KCNIP4: variants seen among roughly 807,000 people sequenced by gnomAD.
The protein encoded by KCNIP4 is potassium voltage-gated channel interacting protein 4.
Under a neutral mutation model 34.0 loss-of-function variants are expected in KCNIP4, and 12 were observed. The observed-to-expected ratio is 0.35, with a 90% CI of 0.23 to 0.57. KCNIP4 has a LOEUF of 0.57. Ranked by LOEUF, KCNIP4 falls within the 20% of genes least tolerant of loss-of-function variation. The probability of loss-of-function intolerance (pLI) is 0.83; values close to 1 mark genes in which losing one functional copy is unlikely to be tolerated. For synonymous variants in KCNIP4, 124 were observed against 102.2 expected, an observed-to-expected ratio of 1.21 and a Z score of -1.29; for missense variants, 238 against 311.7, an observed-to-expected ratio of 0.76 and a Z score of 1.78.
intron 3 of KCNIP4, among the ~76,000 whole-genome samples, chr4:20,805,190 T>A (rs914202235): frequency 4.4e-5 from 2 of 45,938 alleles, no homozygotes; most frequent in Non-Finnish European, 9.3e-5. Context: ...TGCTTCCTTT[T>A]TTTTTTTTTT....
chr4:21,108,603 A>C (rs1425176498), intron 1 of KCNIP4, among the ~76,000 whole-genome samples: 1 of 151,612 alleles, frequency 6.6e-6, no homozygotes, highest in Non-Finnish European at 1.5e-5. Flanking sequence ...CAACTTATCA[A>C]AGTCATTCTC....
intron 1 of KCNIP4, among the ~76,000 whole-genome samples, chr4:21,838,911 A>G (rs965573278): frequency 3.9e-5 from 6 of 152,206 alleles, no homozygotes; most frequent in Non-Finnish European, 8.8e-5. Flanking sequence ...TAGCCACATG[A>G]TATTTACTGT....
intron 1 of KCNIP4, among the ~76,000 whole-genome samples, chr4:21,152,078 A>G (rs1045366414): frequency 3.3e-5 from 5 of 151,942 alleles, no homozygotes; most frequent in African/African-American, 1.2e-4. Context: ...CATGGTGAAA[A>G]CTTGTCTCTA....
intron 1 of KCNIP4, among the ~76,000 whole-genome samples, chr4:20,940,331 C>T (rs996095969): frequency 6.6e-6 from 1 of 152,182 alleles, no homozygotes; most frequent in East Asian, 1.9e-4. Context: ...TCTGTCTCCT[C>T]AACAGCCTTT....
intron 3 of KCNIP4, among the ~76,000 whole-genome samples, chr4:20,791,878 C>T (rs1011476871): frequency 6.6e-6 from 1 of 152,150 alleles, no homozygotes; most frequent in Non-Finnish European, 1.5e-5. Context: ...ATTGACCTCT[C>T]CTGAGAGAGA....
chr4:21,934,404 C>T (rs1191146208), intron 1 of KCNIP4, among the ~76,000 whole-genome samples: 1 of 152,034 alleles, frequency 6.6e-6, no homozygotes, highest in Admixed American at 6.6e-5. Flanking sequence ...AACCCACAAA[C>T]CTAAGTACTA....
At chr4:20,771,192 T>C (rs1157854184) in intron 3 of KCNIP4, among the ~76,000 whole-genome samples, 2 of 152,138 alleles carry the variant, frequency 1.3e-5, no homozygotes, top group African/African-American at 4.8e-5. Flanking sequence ...GATGATGGTA[T>C]ACACATATGT....
chr4:21,681,671 T>G (rs767361849), intron 1 of KCNIP4, among the ~76,000 whole-genome samples: 28 of 152,228 alleles, frequency 1.8e-4, no homozygotes, highest in Admixed American at 3.3e-4. Flanking sequence ...TGCATTGCTG[T>G]AAAGAAATAC....
chr4:21,915,274 T>C (rs967178211), intron 1 of KCNIP4, among the ~76,000 whole-genome samples: 2 of 152,236 alleles, frequency 1.3e-5, no homozygotes, highest in African/African-American at 4.8e-5. Context: ...TGCTGACTCC[T>C]GCTTTATACT....
At chr4:20,816,133 G>A (rs1352717157) in intron 3 of KCNIP4, among the ~76,000 whole-genome samples, 1 of 151,794 alleles carries the variant, frequency 6.6e-6, no homozygotes, top group African/African-American at 2.4e-5. Flanking sequence ...CACACCTGTA[G>A]TCCCAGCTAC....
chr4:20,917,868 A>G (rs1335041583), intron 1 of KCNIP4, among the ~76,000 whole-genome samples: 1 of 152,162 alleles, frequency 6.6e-6, no homozygotes, highest in Non-Finnish European at 1.5e-5. Context: ...AACGACAGGT[A>G]TGTGGAAGAG....
chr4:20,780,446 C>A (rs554036273), intron 3 of KCNIP4, among the ~76,000 whole-genome samples: 1 of 152,104 alleles, frequency 6.6e-6, no homozygotes, highest in Non-Finnish European at 1.5e-5. Flanking sequence ...TTAAAGTCAG[C>A]GATCAAAGTC....
chr4:21,219,066 T>C (rs969978563), intron 1 of KCNIP4, among the ~76,000 whole-genome samples: 3 of 152,152 alleles, frequency 2.0e-5, no homozygotes, highest in African/African-American at 7.2e-5. Context: ...TTAAAAACTG[T>C]GGTTGGCTTA....
At chr4:20,881,921 C>G (rs190569704) in intron 2 of KCNIP4, among the ~76,000 whole-genome samples, 1 of 152,294 alleles carries the variant, frequency 6.6e-6, no homozygotes, top group Non-Finnish European at 1.5e-5. Context: ...TCCTGAACTT[C>G]CAGCTGCCAG....
intron 1 of KCNIP4, among the ~76,000 whole-genome samples, chr4:21,685,851 C>A (rs1409956569): frequency 6.6e-6 from 1 of 152,174 alleles, no homozygotes; most frequent in Non-Finnish European, 1.5e-5. Context: ...TGTGCTTTTA[C>A]TTGAAGATAG....
chr4:21,935,681 A>G (rs1488178145), intron 1 of KCNIP4, among the ~76,000 whole-genome samples: 3 of 151,996 alleles, frequency 2.0e-5, no homozygotes, highest in Non-Finnish European at 2.9e-5. Flanking sequence ...CGACCCCCAC[A>G]TATTCCCAAT....
intron 1 of KCNIP4, among the ~76,000 whole-genome samples, chr4:21,482,039 G>A (rs1380287792): frequency 2.6e-5 from 4 of 151,946 alleles, no homozygotes; most frequent in Admixed American, 6.6e-5. Context: ...TCTTCTTGTC[G>A]AATTGATCCC....
chr4:20,991,702 C>T (rs1303186221), intron 1 of KCNIP4, among the ~76,000 whole-genome samples: 1 of 152,204 alleles, frequency 6.6e-6, no homozygotes, highest in Non-Finnish European at 1.5e-5. Context: ...ATCTCATCAG[C>T]TTCATTTTCT....
At chr4:21,817,738 G>A (rs983803662) in intron 1 of KCNIP4, among the ~76,000 whole-genome samples, 12 of 152,210 alleles carry the variant, frequency 7.9e-5, no homozygotes, top group African/African-American at 2.6e-4. Context: ...AGTACCCTCA[G>A]GCTTACTAGG....
Sources: gnomAD v4.1 joint callset for allele counts (sites outside exome capture counted in the v4.1 genomes callset) on GRCh38, gnomAD v4.1.1 for gene constraint, MANE v1.5 for transcripts, NCBI Gene and HGNC (gene_info 2026-07-23, HGNC 2026-07-21) for gene names.